The following AGBL4 variants were observed in gnomAD, a reference collection of about 807,000 sequenced individuals.
The protein encoded by AGBL4 is AGBL carboxypeptidase 4, also known as cytosolic carboxypeptidase 6.
Under a neutral mutation model 66.4 loss-of-function variants are expected in AGBL4, and 58 were observed. The ratio of observed to expected loss-of-function variants is 0.87; its 90% confidence interval spans 0.71 to 1.09. The LOEUF is 1.09. Ranked by LOEUF, AGBL4 falls within the 50% of genes least tolerant of loss-of-function variation. AGBL4 has a pLI of 0.00. For missense variants in AGBL4, 579 were observed against 631.0 expected, an observed-to-expected ratio of 0.92 and a Z score of 0.88; for synonymous variants, 234 against 222.9, an observed-to-expected ratio of 1.05 and a Z score of -0.44.
intron 4 of AGBL4, among the ~76,000 whole-genome samples, chr1:49,128,711 A>T (rs1281660380): frequency 6.6e-6 from 1 of 152,092 alleles, no homozygotes; most frequent in Admixed American, 6.6e-5. Flanking sequence ...TGCAAAAATG[A>T]ACTTAAAATG....
intron 5 of AGBL4, among the ~76,000 whole-genome samples, chr1:49,012,855 C>A (rs1241816929): frequency 1.3e-5 from 2 of 152,136 alleles, no homozygotes; most frequent in East Asian, 1.9e-4. Context: ...AGAGGTGGGA[C>A]CTGTAAGAGA....
intron 3 of AGBL4, among the ~76,000 whole-genome samples, chr1:49,344,557 A>AAGGGGTGTT (rs1645602693): frequency 6.6e-6 from 1 of 152,310 alleles, no homozygotes; most frequent in East Asian, 1.9e-4. Context: ...GCTAAAGTTA[A>AAGGGGTGTT]AGGGGTGTTA....
chr1:49,481,833 A>G (rs2148727547), intron 3 of AGBL4, among the ~76,000 whole-genome samples: 1 of 151,790 alleles, frequency 6.6e-6, no homozygotes, highest in Non-Finnish European at 1.5e-5. Context: ...TTTTAACATA[A>G]AGAGATGTGA....
chr1:49,699,309 A>G (rs1282659561), intron 2 of AGBL4, among the ~76,000 whole-genome samples: 1 of 152,160 alleles, frequency 6.6e-6, no homozygotes, highest in East Asian at 1.9e-4. Context: ...TGTGATGAGC[A>G]TTCTCTGTAT....
chr1:48,998,961 G>A (rs1661204798), intron 5 of AGBL4, among the ~76,000 whole-genome samples: 1 of 152,212 alleles, frequency 6.6e-6, no homozygotes, highest in Non-Finnish European at 1.5e-5. Flanking sequence ...CATGTACCCA[G>A]AAGCAGAACC....
chr1:48,916,101 A>G (rs1020552907), intron 5 of AGBL4, among the ~76,000 whole-genome samples: 1 of 152,166 alleles, frequency 6.6e-6, no homozygotes, highest in Non-Finnish European at 1.5e-5. Flanking sequence ...TGTTTTAGCC[A>G]TATATCCTGA....
intron 3 of AGBL4, among the ~76,000 whole-genome samples, chr1:49,657,224 G>C (rs1646159793): frequency 6.6e-6 from 1 of 152,118 alleles, no homozygotes; most frequent in East Asian, 1.9e-4. Context: ...CAGACAAACA[G>C]AGAGCCAAAT....
At chr1:49,398,362 T>TCG (rs1645016338) in intron 3 of AGBL4, among the ~76,000 whole-genome samples, 1 of 131,024 alleles carries the variant, frequency 7.6e-6, no homozygotes, top group East Asian at 2.0e-4. Context: ...TCTCTCTCTC[T>TCG]CTCTCGCTCC....
intron 3 of AGBL4, among the ~76,000 whole-genome samples, chr1:49,559,570 C>T (rs1643984960): frequency 6.6e-6 from 1 of 152,166 alleles, no homozygotes; most frequent in South Asian, 2.1e-4. Flanking sequence ...GCTGCCAGCA[C>T]AGCTAGAAAA....
At chr1:49,948,205 AAT>A (rs1557608871) in intron 1 of AGBL4, among the ~76,000 whole-genome samples, 2 of 100,002 alleles carry the variant, frequency 2.0e-5, no homozygotes, top group Admixed American at 1.6e-4. Flanking sequence ...TATAAATATA[AAT>A]ATATAAATAT....
At chr1:48,943,434 A>G (rs1373198290) in intron 5 of AGBL4, among the ~76,000 whole-genome samples, 1 of 152,226 alleles carries the variant, frequency 6.6e-6, no homozygotes, top group Non-Finnish European at 1.5e-5. Flanking sequence ...AGATCTTTCA[A>G]GACTACAATG....
chr1:48,665,974 C>T (rs954013644), intron 6 of AGBL4, among the ~76,000 whole-genome samples: 1 of 152,156 alleles, frequency 6.6e-6, no homozygotes, highest in African/African-American at 2.4e-5. Flanking sequence ...ATTCTATTTG[C>T]ACACTAATTT....
At chr1:49,645,625 G>T (rs1645869450) in intron 3 of AGBL4, among the ~76,000 whole-genome samples, 2 of 151,146 alleles carry the variant, frequency 1.3e-5, no homozygotes, top group Non-Finnish European at 1.5e-5. Flanking sequence ...TAAGAAAAAA[G>T]TTAGTATCAA....
chr1:49,597,395 CCTAA>C (rs1212677094), intron 3 of AGBL4, among the ~76,000 whole-genome samples: 4 of 152,096 alleles, frequency 2.6e-5, no homozygotes, highest in African/African-American at 9.7e-5. Flanking sequence ...AAAATGGGGT[CCTAA>C]CTAAGTTTGG....
chr1:48,995,243 G>C (rs1021271456), intron 5 of AGBL4, among the ~76,000 whole-genome samples: 1 of 152,180 alleles, frequency 6.6e-6, no homozygotes, highest in African/African-American at 2.4e-5. Flanking sequence ...GATGTGCCCA[G>C]CTTGGTTAGG....
At chr1:49,736,670 A>G (rs1649917242) in intron 2 of AGBL4, among the ~76,000 whole-genome samples, 1 of 152,200 alleles carries the variant, frequency 6.6e-6, no homozygotes, top group Non-Finnish European at 1.5e-5. Flanking sequence ...GACAAGTGGG[A>G]CCTAATTAAA....
intron 3 of AGBL4, among the ~76,000 whole-genome samples, chr1:49,563,900 G>T (rs1021064312): frequency 1.3e-5 from 2 of 152,144 alleles, no homozygotes; most frequent in African/African-American, 4.8e-5. Flanking sequence ...GCTCCTCCTT[G>T]TACCTCTGGT....
chr1:49,153,891 T>C (rs1351048670), intron 4 of AGBL4, among the ~76,000 whole-genome samples: 8 of 152,052 alleles, frequency 5.3e-5, no homozygotes, highest in Non-Finnish European at 7.4e-5. Flanking sequence ...TCAAGTTACT[T>C]AACCCCTCTA....
At chr1:49,590,376 A>T (rs961647966) in intron 3 of AGBL4, among the ~76,000 whole-genome samples, 6 of 151,938 alleles carry the variant, frequency 3.9e-5, no homozygotes, top group Non-Finnish European at 8.8e-5. Flanking sequence ...CCATCTATGA[A>T]AAAGAATTTG....
Sources: allele counts gnomAD v4.1 joint callset (sites outside exome capture counted in the v4.1 genomes callset), GRCh38; gene constraint gnomAD v4.1.1; transcripts MANE v1.5; gene names NCBI Gene and HGNC (gene_info 2026-07-23, HGNC 2026-07-21).